The following NR3C2 variants were observed in gnomAD, a reference collection of about 807,000 sequenced individuals.
NR3C2 encodes the protein mineralocorticoid receptor.
A neutral mutation model predicts 86.4 loss-of-function variants in NR3C2; 15 were observed. The ratio of observed to expected loss-of-function variants is 0.17; its 90% CI spans 0.12 to 0.27. The LOEUF (loss-of-function observed/expected upper bound fraction) is 0.27, where lower values mean the gene tolerates loss of function less well. Ranked by LOEUF, NR3C2 falls within the 10% of genes least tolerant of loss-of-function variation. The pLI is 1.00. For synonymous variants in NR3C2, 458 were observed against 450.5 expected (o/e 1.02, Z -0.21); for missense variants, 960 against 1,195.6 (o/e 0.80, Z 2.91).
chr4:148,104,341 G>GTTTTTTTTTT (rs1553985370), intron 8 of NR3C2, among the ~76,000 whole-genome samples: 1 of 122,344 alleles, frequency 8.2e-6, no homozygotes, highest in African/African-American at 3.6e-5. Context: ...GTTTTGGTTT[G>GTTTTTTTTTT]GTTTTTTTTT....
intron 2 of NR3C2, among the ~76,000 whole-genome samples, chr4:148,381,673 C>G (rs1231929893): frequency 6.6e-6 from 1 of 152,116 alleles, no homozygotes; most frequent in Non-Finnish European, 1.5e-5. Flanking sequence ...AATCAGAAAT[C>G]AAAAGCTCAA....
intron 2 of NR3C2, among the ~76,000 whole-genome samples, chr4:148,423,874 A>G (rs529637084): frequency 6.6e-6 from 1 of 152,090 alleles, no homozygotes; most frequent in Non-Finnish European, 1.5e-5. Flanking sequence ...ACGCCTGGCT[A>G]ATATTTGTTT....
intron 2 of NR3C2, among the ~76,000 whole-genome samples, chr4:148,295,882 A>G (rs749073663): frequency 1.3e-5 from 2 of 151,916 alleles, no homozygotes; most frequent in Non-Finnish European, 2.9e-5. Context: ...ACAATTTGGA[A>G]CACATATAGA....
chr4:148,289,763 T>C (rs1168693613), intron 2 of NR3C2, among the ~76,000 whole-genome samples: 2 of 152,170 alleles, frequency 1.3e-5, no homozygotes, highest in Non-Finnish European at 1.5e-5. Context: ...GCTTCCTGAC[T>C]CTGTCTCCCT....
chr4:148,261,340 CCCTATGGT>C (rs1561006125), intron 2 of NR3C2, among the ~76,000 whole-genome samples: 6 of 149,464 alleles, frequency 4.0e-5, no homozygotes, highest in African/African-American at 1.5e-4. Context: ...CTATGGTAAG[CCCTATGGT>C]GCGCTATGGT....
chr4:148,232,560 C>G (rs937575142), intron 3 of NR3C2, among the ~76,000 whole-genome samples: 1 of 152,154 alleles, frequency 6.6e-6, no homozygotes, highest in Admixed American at 6.5e-5. Flanking sequence ...TAGCACAATT[C>G]GTAAGGGCCC....
At chr4:148,299,729 C>T (rs1742239021) in intron 2 of NR3C2, among the ~76,000 whole-genome samples, 1 of 152,250 alleles carries the variant, frequency 6.6e-6, no homozygotes, top group South Asian at 2.1e-4. Flanking sequence ...TTCCCCATGG[C>T]ATCTTTCCAA....
At chr4:148,135,778 C>T (rs1268808308) in intron 6 of NR3C2, among the ~76,000 whole-genome samples, 2 of 151,906 alleles carry the variant, frequency 1.3e-5, no homozygotes, top group East Asian at 1.9e-4. Context: ...CAAAAACGGC[C>T]GGGCGCGGTG....
At chr4:148,427,972 A>G (rs963902059) in intron 2 of NR3C2, among the ~76,000 whole-genome samples, 1 of 152,234 alleles carries the variant, frequency 6.6e-6, no homozygotes. Context: ...CTGAATAAAC[A>G]AAGTCTGATG....
chr4:148,319,750 T>C (rs1252725959), intron 2 of NR3C2, among the ~76,000 whole-genome samples: 1 of 150,944 alleles, frequency 6.6e-6, no homozygotes, highest in Non-Finnish European at 1.5e-5. Flanking sequence ...TTTGCTGAAG[T>C]TGCTTATCAG....
At chr4:148,134,641 CTCTTTTTTT>C (rs1441982247) in intron 6 of NR3C2, among the ~76,000 whole-genome samples, 4 of 60,966 alleles carry the variant, frequency 6.6e-5, no homozygotes, top group African/African-American at 1.8e-4. Flanking sequence ...CTCTCTCTCT[CTCTTTTTTT>C]TTTTTTTTTT....
At chr4:148,202,402 C>T (rs1736770954) in intron 3 of NR3C2, among the ~76,000 whole-genome samples, 1 of 152,236 alleles carries the variant, frequency 6.6e-6, no homozygotes. Context: ...ACATTGGCTT[C>T]ATCCTTTTGT....
chr4:148,410,511 T>C (rs61758261), intron 2 of NR3C2, among the ~76,000 whole-genome samples: 2,423 of 152,294 alleles, frequency 0.016, 39 homozygotes, highest in Admixed American at 0.039. Context: ...GGAGACTTAA[T>C]TCAGGGAACT....
At chr4:148,351,819 C>T (rs1228214894) in intron 2 of NR3C2, among the ~76,000 whole-genome samples, 2 of 152,170 alleles carry the variant, frequency 1.3e-5, no homozygotes, top group African/African-American at 4.8e-5. Context: ...TGCCTACCTA[C>T]AAGGTGACCC....
chr4:148,100,094 T>G (rs540315173), intron 8 of NR3C2, among the ~76,000 whole-genome samples: 1 of 152,224 alleles, frequency 6.6e-6, no homozygotes, highest in African/African-American at 2.4e-5. Context: ...CTGTGAAATA[T>G]CAATGATGAA....
chr4:148,105,390 T>C (rs1050867356), intron 8 of NR3C2, among the ~76,000 whole-genome samples: 3 of 152,134 alleles, frequency 2.0e-5, no homozygotes, highest in African/African-American at 7.2e-5. Context: ...ATTAATAGCC[T>C]ACCAACCAAA....
chr4:148,185,210 A>G (rs1020866864), intron 4 of NR3C2, among the ~76,000 whole-genome samples: 1 of 152,266 alleles, frequency 6.6e-6, no homozygotes, highest in Non-Finnish European at 1.5e-5. Context: ...TGGAGCACAA[A>G]GAAAGGATAA....
At chr4:148,350,614 C>G (rs1338830744) in intron 2 of NR3C2, among the ~76,000 whole-genome samples, 4 of 151,854 alleles carry the variant, frequency 2.6e-5, no homozygotes, top group African/African-American at 9.7e-5. Context: ...TACAAAGTCA[C>G]CATAGTAAAC....
intron 8 of NR3C2, among the ~76,000 whole-genome samples, chr4:148,099,742 A>G (rs533579380): frequency 6.6e-6 from 1 of 152,316 alleles, no homozygotes; most frequent in East Asian, 1.9e-4. Flanking sequence ...GGATTTATTG[A>G]CACAGGTGTT....
Sources: allele counts gnomAD v4.1 joint callset (sites outside exome capture counted in the v4.1 genomes callset), GRCh38; gene constraint gnomAD v4.1.1; transcripts MANE v1.5; gene names NCBI Gene and HGNC (gene_info 2026-07-23, HGNC 2026-07-21).